Variants in SLC8A1 observed in about 807,000 individuals in gnomAD.
SLC8A1 encodes sodium/calcium exchanger 1.
A neutral mutation model predicts 68.3 loss-of-function variants in SLC8A1; 18 were observed. That is an observed-to-expected ratio of 0.26 (90% CI 0.18 to 0.39). SLC8A1 has a LOEUF of 0.39. SLC8A1 is among the 10% of genes least tolerant of loss of function. SLC8A1 has a pLI of 1.00. For synonymous variants in SLC8A1, 475 were observed against 415.5 expected (o/e 1.14, Z -1.74); for missense variants, 985 against 1,156.7 (o/e 0.85, Z 2.15).
intron 2 of SLC8A1, among the ~76,000 whole-genome samples, chr2:40,233,437 G>T (rs1180331657): frequency 1.4e-5 from 2 of 147,422 alleles, no homozygotes; most frequent in Admixed American, 6.8e-5. Flanking sequence ...ACTTTTTGAT[G>T]GGGTTGTTTG....
At chr2:40,255,898 G>A (rs931256425) in intron 2 of SLC8A1, among the ~76,000 whole-genome samples, 9 of 152,206 alleles carry the variant, frequency 5.9e-5, no homozygotes, top group Admixed American at 2.6e-4. Context: ...GAAAGACTAC[G>A]TCTGGTGTTC....
At chr2:40,349,413 T>C (rs1019404268) in intron 2 of SLC8A1, among the ~76,000 whole-genome samples, 1 of 152,218 alleles carries the variant, frequency 6.6e-6, no homozygotes, top group African/African-American at 2.4e-5. Flanking sequence ...AAAAAATACT[T>C]CTGAGGTTAA....
At chr2:40,418,895 C>T (rs1270458842) in intron 2 of SLC8A1, among the ~76,000 whole-genome samples, 1 of 152,088 alleles carries the variant, frequency 6.6e-6, no homozygotes, top group African/African-American at 2.4e-5. Context: ...GGGTAGGTTG[C>T]TCCTAGAGTG....
At chr2:40,493,954 T>C (rs1705509319) in intron 1 of SLC8A1, among the ~76,000 whole-genome samples, 1 of 151,930 alleles carries the variant, frequency 6.6e-6, no homozygotes, top group South Asian at 2.1e-4. Context: ...TCTTTTCTTC[T>C]TTCATTCTCC....
At chr2:40,193,867 G>C (rs184758081) in intron 2 of SLC8A1, among the ~76,000 whole-genome samples, 2 of 152,064 alleles carry the variant, frequency 1.3e-5, no homozygotes, top group African/African-American at 4.8e-5. Context: ...ATACTTTAAA[G>C]AAGTGTCTGG....
At chr2:40,475,078 G>T (rs1704199933) in intron 1 of SLC8A1, among the ~76,000 whole-genome samples, 1 of 152,080 alleles carries the variant, frequency 6.6e-6, no homozygotes, top group Non-Finnish European at 1.5e-5. Flanking sequence ...CAATGTCTTG[G>T]AGCAGCAGTT....
At chr2:40,100,970 T>C (rs890025326) in exon 8 of SLC8A1, 2 of 152,142 alleles carry the variant, frequency 1.3e-5, no homozygotes, top group African/African-American at 2.4e-5. Context: ...TCCTTTTACA[T>C]ACTTTGAATT....
intron 2 of SLC8A1, among the ~76,000 whole-genome samples, chr2:40,391,151 A>G (rs1286416144): frequency 7.7e-6 from 1 of 129,828 alleles, no homozygotes; most frequent in Non-Finnish European, 1.6e-5. Flanking sequence ...AAATATATAT[A>G]TATATAAATA....
intron 6 of SLC8A1, among the ~76,000 whole-genome samples, chr2:40,152,341 A>C (rs2043592040): frequency 6.6e-6 from 1 of 152,204 alleles, no homozygotes. Context: ...TAGTAAAACA[A>C]CAGATAAATA....
chr2:40,189,472 C>T (rs1021699363), intron 2 of SLC8A1, among the ~76,000 whole-genome samples: 1 of 152,062 alleles, frequency 6.6e-6, no homozygotes, highest in African/African-American at 2.4e-5. Flanking sequence ...AGAAGCATGC[C>T]ACCGCGCCCG....
At chr2:40,425,716 T>C (rs1696679589) in intron 2 of SLC8A1, among the ~76,000 whole-genome samples, 1 of 151,864 alleles carries the variant, frequency 6.6e-6, no homozygotes, top group African/African-American at 2.4e-5. Context: ...TTAATCTACA[T>C]AGTCTGACTC....
intron 2 of SLC8A1, among the ~76,000 whole-genome samples, chr2:40,217,584 T>A (rs1398881391): frequency 6.6e-6 from 1 of 152,202 alleles, no homozygotes; most frequent in East Asian, 1.9e-4. Flanking sequence ...GGAGGCTTCC[T>A]AATGCTGCTT....
chr2:40,157,054 G>A (rs1573318363), intron 6 of SLC8A1, among the ~76,000 whole-genome samples: 2 of 152,258 alleles, frequency 1.3e-5, no homozygotes, highest in South Asian at 2.1e-4. Context: ...TTATAAAATG[G>A]TATGCATGAT....
chr2:40,260,406 C>T (rs1027145212), intron 2 of SLC8A1, among the ~76,000 whole-genome samples: 2 of 152,164 alleles, frequency 1.3e-5, no homozygotes, highest in South Asian at 2.1e-4. Flanking sequence ...CTCACCAAAT[C>T]GACTTTTAAT....
chr2:40,339,364 G>A (rs1316475325), intron 2 of SLC8A1, among the ~76,000 whole-genome samples: 1 of 152,172 alleles, frequency 6.6e-6, no homozygotes, highest in Non-Finnish European at 1.5e-5. Context: ...GATATCAGAA[G>A]GCAGCAGCAC....
At chr2:40,259,500 A>G (rs1461239547) in intron 2 of SLC8A1, among the ~76,000 whole-genome samples, 1 of 151,952 alleles carries the variant, frequency 6.6e-6, no homozygotes, top group Non-Finnish European at 1.5e-5. Context: ...TTAATTTTTA[A>G]AAATAGGGTC....
chr2:40,259,478 CT>C (rs1365652832), intron 2 of SLC8A1, among the ~76,000 whole-genome samples: 1 of 152,092 alleles, frequency 6.6e-6, no homozygotes, highest in African/African-American at 2.4e-5. Flanking sequence ...TCTTCACAAT[CT>C]TTTTTCTTTT....
At chr2:40,350,963 G>C (rs1021475222) in intron 2 of SLC8A1, among the ~76,000 whole-genome samples, 9 of 152,274 alleles carry the variant, frequency 5.9e-5, no homozygotes, top group Admixed American at 3.9e-4. Context: ...ATATGGCAGA[G>C]CTGAGAAATG....
At chr2:40,493,360 G>C (rs80164866) in intron 1 of SLC8A1, among the ~76,000 whole-genome samples, 1 of 121,102 alleles carries the variant, frequency 8.3e-6, no homozygotes, top group African/African-American at 3.1e-5. Flanking sequence ...TGGGGGGGAG[G>C]GGGGAGGGAT....
Sources: gnomAD v4.1 joint callset for allele counts (sites outside exome capture counted in the v4.1 genomes callset) on GRCh38, gnomAD v4.1.1 for gene constraint, MANE v1.5 for transcripts, NCBI Gene and HGNC (gene_info 2026-07-23, HGNC 2026-07-21) for gene names.